Variants in CFAP221 observed in about 807,000 individuals in gnomAD.
The protein encoded by CFAP221 is cilia- and flagella-associated protein 221.
Under a neutral mutation model 113.1 loss-of-function variants are expected in CFAP221, and 97 were observed. That is an observed-to-expected ratio of 0.86 (90% CI 0.73 to 1.02). The LOEUF is 1.02. CFAP221 is among the 50% of genes least tolerant of loss of function. CFAP221 has a pLI of 0.00. For missense variants in CFAP221, 1,025 were observed against 1,013.4 expected (o/e 1.01, Z -0.16); for synonymous variants, 331 against 354.4 (o/e 0.93, Z 0.74).
chr2:119,556,332 C>T (rs1415644889), intron 3 of CFAP221: 1 of 152,194 alleles, frequency 6.6e-6, no homozygotes, highest in Non-Finnish European at 1.5e-5. Flanking sequence ...CGTTTTCTTC[C>T]TGTTTCTGAG....
Position 119,561,995 on chromosome 2 carries a change from T to G in CFAP221, c.427-19T>G. The G allele has an allele frequency of 6.6e-7, 1 of 1,505,770 alleles. No individual in the cohort carries two copies. Among genetic ancestry groups the G allele is most frequent in the Non-Finnish European group, 8.9e-7 (1 of 1,122,322 alleles). The allele number at this position is 1,505,770 out of a possible 1,614,324, so 93.3% of individuals were successfully genotyped here. A position where few individuals can be genotyped will look rare whatever the true frequency, so the allele number is the denominator to read the frequency against. The stretch of plus-strand genomic sequence containing the variant: ...TAGTCTTCAGAATGTTAAACTTGAC[T>G]TTTTCTGGTTAATTTTAGGGAGATG... On this transcript the variant is annotated intron_variant, in intron 5 of 23. Transcript: ENST00000413369.
chr2:119,570,489 A>AC (rs535922254), intron 6 of CFAP221, among the ~76,000 whole-genome samples: 33 of 152,046 alleles, frequency 2.2e-4, no homozygotes, highest in Non-Finnish European at 1.5e-4. Flanking sequence ...CATTTTTATA[A>AC]CCCCCCCAAA....
intron 6 of CFAP221, among the ~76,000 whole-genome samples, chr2:119,571,133 CTTTTTTTTTT>C (rs34017847): frequency 1.1e-5 from 1 of 93,132 alleles, no homozygotes; most frequent in African/African-American, 4.4e-5. Context: ...TAACAACCCC[CTTTTTTTTTT>C]TTTTTTTTTT....
chr2:119,562,042 A>T lies in CFAP221; in HGVS notation c.455A>T (p.His152Leu), dbSNP rs1054418106. The change falls in exon 6 of 24, where the codon CAT becomes CTT. Residue 152 changes from histidine to leucine, a missense_variant. Physicochemically the swap from His to Leu is moderately conservative, Grantham distance 99. Coordinates refer to ENST00000413369, the MANE Select transcript of CFAP221 (RefSeq NM_001271049.2). ...KGDDTLLVPI[H>L]AYPVMNSLDF... is the part of the protein sequence containing the mutation. ...GATGACACTTTGCTTGTTCCTATTC[A>T]TGCCTATCCAGTCATGAACTCACTA... 3.9e-6 allele frequency: 6 copies of T among 1,535,134 alleles called. No homozygotes were observed. In the African/African-American group the frequency reaches 5.5e-5, roughly 14 times the overall value.
intron 6 of CFAP221, among the ~76,000 whole-genome samples, chr2:119,571,133 C>CTTTTTTTTT (rs34017847): frequency 1.3e-4 from 12 of 93,124 alleles, no homozygotes; most frequent in African/African-American, 1.7e-4. Context: ...TAACAACCCC[C>CTTTTTTTTT]TTTTTTTTTT....
chr2:119,648,674 T>C (rs1228002147), intron 22 of CFAP221: 1 of 155,712 alleles, frequency 6.4e-6, no homozygotes, highest in East Asian at 1.9e-4. Context: ...GTCTCACTTA[T>C]AACTCAGTAT....
chr2:119,629,116 A>T (rs1686581808), intron 16 of CFAP221, among the ~76,000 whole-genome samples: 1 of 152,196 alleles, frequency 6.6e-6, no homozygotes, highest in Non-Finnish European at 1.5e-5. Context: ...AGCATCTCAA[A>T]ATTGGGAAAT....
chr2:119,645,116 C>A (rs959133994), intron 21 of CFAP221, among the ~76,000 whole-genome samples: 1 of 151,076 alleles, frequency 6.6e-6, no homozygotes, highest in African/African-American at 2.4e-5. Context: ...CTCTCTCTCT[C>A]TCTGTCTCTG....
intron 7 of CFAP221, among the ~76,000 whole-genome samples, chr2:119,594,741 C>G (rs72965009): frequency 0.022 from 3,381 of 152,292 alleles, 120 homozygotes; most frequent in African/African-American, 0.076. Flanking sequence ...ATGCTTACAT[C>G]GTGCTTACCA....
intron 6 of CFAP221, among the ~76,000 whole-genome samples, chr2:119,579,441 C>T (rs1465085156): frequency 4.6e-5 from 7 of 152,120 alleles, no homozygotes; most frequent in Non-Finnish European, 8.8e-5. Flanking sequence ...TCTAAATAAA[C>T]TTCATATTAG....
intron 7 of CFAP221, among the ~76,000 whole-genome samples, chr2:119,593,070 G>A (rs1445321238): frequency 1.3e-5 from 2 of 152,092 alleles, no homozygotes; most frequent in Non-Finnish European, 2.9e-5. Flanking sequence ...TATTTGCTTT[G>A]TTCTCTTCCT....
chr2:119,610,956 T>C (rs188832027), intron 12 of CFAP221, among the ~76,000 whole-genome samples: 1 of 152,082 alleles, frequency 6.6e-6, no homozygotes, highest in Non-Finnish European at 1.5e-5. Flanking sequence ...CACTGTTGGC[T>C]CCTGGGAATA....
At chr2:119,657,987 C>T (rs1688492917), downstream of CFAP221, among the ~76,000 whole-genome samples, 1 of 152,168 alleles carries the variant, frequency 6.6e-6, no homozygotes, top group Admixed American at 6.5e-5. Context: ...CAAGTTTCTC[C>T]ACTGGGACAT....
intron 12 of CFAP221, among the ~76,000 whole-genome samples, chr2:119,608,910 C>T (rs1252514337): frequency 6.6e-6 from 1 of 152,138 alleles, no homozygotes; most frequent in Admixed American, 6.6e-5. Context: ...CAAATTCGAG[C>T]TGGAATTTTG....
intron 6 of CFAP221, among the ~76,000 whole-genome samples, chr2:119,570,901 G>A (rs1055305199): frequency 2.6e-5 from 4 of 152,164 alleles, no homozygotes; most frequent in Admixed American, 6.5e-5. Flanking sequence ...ATACCTAGAA[G>A]TGGAATTGTT....
At chr2:119,657,768 A>G (rs1203801757), downstream of CFAP221, among the ~76,000 whole-genome samples, 1 of 152,130 alleles carries the variant, frequency 6.6e-6, no homozygotes, top group Admixed American at 6.5e-5. Context: ...TGTGACCTTG[A>G]CACCTTTGAC....
intron 7 of CFAP221, among the ~76,000 whole-genome samples, chr2:119,596,495 T>C (rs1397136634): frequency 6.6e-6 from 1 of 152,192 alleles, no homozygotes; most frequent in African/African-American, 2.4e-5. Context: ...CTCAGACTCC[T>C]TCTCCACATC....
At position 119,656,388 on chromosome 2, in the gene CFAP221, C is replaced by G. The variant is rs770037277; in HGVS notation, c.2441C>G (p.Ala814Gly). The change falls in exon 24 of 24, where the codon GCA becomes GGA. Residue 814 changes from alanine (A) to glycine (G), a missense_variant. Transcript: ENST00000413369. ...EKEVKDQAQP[A>G]EKAGEKLLEE... ...GAAGTGAAAGATCAAGCACAACCAG[C>G]AGAGAAGGCCGGAGAGAAGCTGCTC... is the stretch of plus-strand genomic sequence containing the variant. 1.1e-4 allele frequency: 180 copies of G among 1,613,884 alleles called. No individual in the cohort carries two copies. Among genetic ancestry groups the G allele is most frequent in the Non-Finnish European group, 1.5e-4 (177 of 1,179,944 alleles).
chr2:119,593,866 A>G (rs1683768173), intron 7 of CFAP221, among the ~76,000 whole-genome samples: 1 of 151,726 alleles, frequency 6.6e-6, no homozygotes. Context: ...AACAACAACA[A>G]CAAAAAAAAC....
Sources: gnomAD v4.1 joint callset for allele counts (sites outside exome capture counted in the v4.1 genomes callset) on GRCh38, gnomAD v4.1.1 for gene constraint, MANE v1.5 for transcripts, NCBI Gene and HGNC (gene_info 2026-07-23, HGNC 2026-07-21) for gene names.